The following RORA variants were observed in gnomAD, a reference collection of about 807,000 sequenced individuals.
RORA encodes the protein RAR related orphan receptor A.
A neutral mutation model predicts 69.5 loss-of-function variants in RORA; 7 were observed. The observed-to-expected ratio is 0.10, with a 90% CI of 0.06 to 0.19. RORA has a LOEUF of 0.19. RORA is among the 10% of genes least tolerant of loss of function. The probability of loss-of-function intolerance (pLI) is 1.00; values close to 1 mark genes in which losing one functional copy is unlikely to be tolerated. For synonymous variants in RORA, 261 were observed against 240.8 expected, an observed-to-expected ratio of 1.08 and a Z score of -0.78; for missense variants, 457 against 663.0, an observed-to-expected ratio of 0.69 and a Z score of 3.41.
intron 1 of RORA, among the ~76,000 whole-genome samples, chr15:61,068,950 T>C (rs1271132921): frequency 6.6e-6 from 1 of 152,230 alleles, no homozygotes; most frequent in Non-Finnish European, 1.5e-5. Flanking sequence ...ATATAGAAAC[T>C]CTTAATATAC....
intron 2 of RORA, among the ~76,000 whole-genome samples, chr15:60,540,574 C>CCCCCCCCCCCCCCCCG (rs1555428642): frequency 9.7e-6 from 1 of 102,646 alleles, no homozygotes. Context: ...ACCCCCCCCC[C>CCCCCCCCCCCCCCCCG]CCAAAACTGT....
At chr15:60,749,277 T>C (rs1446332614) in intron 1 of RORA, among the ~76,000 whole-genome samples, 3 of 152,256 alleles carry the variant, frequency 2.0e-5, no homozygotes, top group African/African-American at 7.2e-5. Flanking sequence ...GCACCATTAA[T>C]TCTTCCAGTA....
chr15:60,608,323 A>G (rs1356194924), intron 2 of RORA, among the ~76,000 whole-genome samples: 4 of 152,184 alleles, frequency 2.6e-5, no homozygotes, highest in Non-Finnish European at 4.4e-5. Context: ...TTGCTTTTAC[A>G]TTTTATTGTT....
At chr15:60,986,883 G>A (rs765216727) in intron 1 of RORA, among the ~76,000 whole-genome samples, 6 of 152,172 alleles carry the variant, frequency 3.9e-5, no homozygotes, top group Admixed American at 2.6e-4. Context: ...GAACCACCTA[G>A]AATCACTGAC....
intron 1 of RORA, among the ~76,000 whole-genome samples, chr15:60,838,489 G>A (rs1022451321): frequency 1.9e-4 from 29 of 152,172 alleles, no homozygotes; most frequent in Non-Finnish European, 1.8e-4. Context: ...TGTGGTGCAG[G>A]GCTGCCACTC....
intron 1 of RORA, among the ~76,000 whole-genome samples, chr15:60,887,722 G>A (rs761968039): frequency 1.3e-5 from 2 of 152,122 alleles, no homozygotes; most frequent in East Asian, 1.9e-4. Flanking sequence ...TAGCATGAAA[G>A]GTTGGTTGTT....
chr15:60,818,453 A>G (rs1208293979), intron 1 of RORA, among the ~76,000 whole-genome samples: 3 of 152,188 alleles, frequency 2.0e-5, no homozygotes, highest in African/African-American at 7.2e-5. Flanking sequence ...AAAGAAGCTC[A>G]GAGAGGTGGA....
intron 1 of RORA, among the ~76,000 whole-genome samples, chr15:61,064,461 A>G (rs2078229910): frequency 6.6e-6 from 1 of 152,114 alleles, no homozygotes; most frequent in Non-Finnish European, 1.5e-5. Flanking sequence ...ATAACCTACT[A>G]CTCCCACACA....
chr15:61,048,260 C>T (rs1897130763), intron 1 of RORA, among the ~76,000 whole-genome samples: 1 of 152,208 alleles, frequency 6.6e-6, no homozygotes, highest in Non-Finnish European at 1.5e-5. Context: ...ATGCGTAAGC[C>T]TTTGATAACT....
At chr15:60,822,410 G>T (rs1335894896) in intron 1 of RORA, among the ~76,000 whole-genome samples, 1 of 152,146 alleles carries the variant, frequency 6.6e-6, no homozygotes, top group Non-Finnish European at 1.5e-5. Flanking sequence ...CAGCTTCCCA[G>T]GTCAGGTACA....
chr15:60,898,229 C>A (rs1330378139), intron 1 of RORA, among the ~76,000 whole-genome samples: 1 of 152,176 alleles, frequency 6.6e-6, no homozygotes, highest in Non-Finnish European at 1.5e-5. Context: ...AAACTGAGTT[C>A]TGATGACTCC....
At chr15:60,899,421 A>G (rs1195082488) in intron 1 of RORA, among the ~76,000 whole-genome samples, 1 of 152,242 alleles carries the variant, frequency 6.6e-6, no homozygotes, top group African/African-American at 2.4e-5. Context: ...TGACATGCTT[A>G]CTAATTTTCT....
At chr15:61,081,170 T>A (rs564086648) in intron 1 of RORA, among the ~76,000 whole-genome samples, 1 of 152,302 alleles carries the variant, frequency 6.6e-6, no homozygotes, top group African/African-American at 2.4e-5. Flanking sequence ...AAAGCATTTA[T>A]CCCCATGAGA....
chr15:60,607,237 C>T (rs1037697753), intron 2 of RORA, among the ~76,000 whole-genome samples: 3 of 152,192 alleles, frequency 2.0e-5, no homozygotes, highest in African/African-American at 7.2e-5. Flanking sequence ...TGTATTACAG[C>T]ATACTGTACA....
intron 1 of RORA, among the ~76,000 whole-genome samples, chr15:60,750,764 T>G (rs1342760937): frequency 6.6e-6 from 1 of 152,242 alleles, no homozygotes; most frequent in East Asian, 1.9e-4. Flanking sequence ...TATTTGTATT[T>G]TACCTTCAGG....
chr15:60,545,713 T>C (rs972139725), intron 2 of RORA, among the ~76,000 whole-genome samples: 3 of 152,234 alleles, frequency 2.0e-5, no homozygotes, highest in Non-Finnish European at 4.4e-5. Flanking sequence ...GAATCTGTTA[T>C]TTTCCTTTCC....
chr15:61,143,175 T>C (rs1567009292), intron 1 of RORA, among the ~76,000 whole-genome samples: 1 of 152,122 alleles, frequency 6.6e-6, no homozygotes, highest in African/African-American at 2.4e-5. Flanking sequence ...ATAGCTTATA[T>C]AAACAAAAGC....
At chr15:60,879,711 T>C (rs1020800663) in intron 1 of RORA, among the ~76,000 whole-genome samples, 2 of 152,200 alleles carry the variant, frequency 1.3e-5, no homozygotes, top group Non-Finnish European at 2.9e-5. Context: ...AGGATATCAA[T>C]GAAATTTATG....
At chr15:60,764,385 A>G (rs1332265537) in intron 1 of RORA, among the ~76,000 whole-genome samples, 4 of 152,182 alleles carry the variant, frequency 2.6e-5, no homozygotes, top group Non-Finnish European at 4.4e-5. Flanking sequence ...AAAGGAATGG[A>G]ATAAAATGGT....
Sources: allele counts gnomAD v4.1 joint callset (sites outside exome capture counted in the v4.1 genomes callset), GRCh38; gene constraint gnomAD v4.1.1; transcripts MANE v1.5; gene names NCBI Gene and HGNC (gene_info 2026-07-23, HGNC 2026-07-21).